The following FRMD6 variants were observed in gnomAD, a reference collection of about 807,000 sequenced individuals.
FRMD6 encodes FERM domain-containing protein 6.
FRMD6 carries 37 observed loss-of-function variants against 73.2 expected under a neutral mutation model. The ratio of observed to expected loss-of-function variants is 0.51; its 90% CI spans 0.39 to 0.66. FRMD6 has a LOEUF of 0.66. Among genes scored for constraint, FRMD6 ranks in the 30% least tolerant of loss-of-function variants. The pLI is 0.00. For synonymous variants in FRMD6, 273 were observed against 282.2 expected (o/e 0.97, Z 0.33); for missense variants, 714 against 780.5 (o/e 0.91, Z 1.02).
chr14:51,485,247 C>T (rs1394768800), upstream of FRMD6, among the ~76,000 whole-genome samples: 5 of 152,204 alleles, frequency 3.3e-5, no homozygotes, highest in African/African-American at 1.2e-4. Context: ...CTCACCTACA[C>T]AAGTCTCATG....
At chr14:51,656,741 C>T (rs555000528) in intron 1 of FRMD6, among the ~76,000 whole-genome samples, 21 of 152,242 alleles carry the variant, frequency 1.4e-4, no homozygotes, top group African/African-American at 4.8e-4. Context: ...TGTCTTTCCC[C>T]AGCTGTATGG....
At chr14:51,643,051 C>A (rs1464119113) in intron 2 of FRMD6, among the ~76,000 whole-genome samples, 1 of 152,130 alleles carries the variant, frequency 6.6e-6, no homozygotes, top group Non-Finnish European at 1.5e-5. Flanking sequence ...AGAAGCAAGG[C>A]AGTTTAGGGA....
the FRMD6 span, among the ~76,000 whole-genome samples, chr14:51,400,795 T>C: frequency 6.6e-6 from 1 of 152,218 alleles, no homozygotes; most frequent in African/African-American, 2.4e-5. Context: ...GACAAAAGTT[T>C]ATTATGTAAA....
the FRMD6 span, among the ~76,000 whole-genome samples, chr14:51,480,758 CA>C: frequency 6.6e-6 from 1 of 152,094 alleles, no homozygotes; most frequent in Non-Finnish European, 1.5e-5. Flanking sequence ...ATCTACCTCA[CA>C]ATGATATTGT....
At chr14:51,714,711 CA>C (rs1347724304) in intron 9 of FRMD6, 1 of 152,158 alleles carries the variant, frequency 6.6e-6, no homozygotes, top group Admixed American at 6.5e-5. Context: ...TTCTAAACCC[CA>C]AATAGATATC....
At chr14:51,509,458 C>T (rs1302826046) in intron 1 of FRMD6, among the ~76,000 whole-genome samples, 2 of 151,624 alleles carry the variant, frequency 1.3e-5, no homozygotes, top group Middle Eastern at 3.2e-3. Flanking sequence ...ACCCAGGAGG[C>T]GGAGCTTGCA....
intron 1 of FRMD6, among the ~76,000 whole-genome samples, chr14:51,522,634 TATC>T (rs1885014488): frequency 6.6e-6 from 1 of 152,174 alleles, no homozygotes; most frequent in Non-Finnish European, 1.5e-5. Flanking sequence ...ATCATAAAAA[TATC>T]ATGGATTTGA....
intron 10 of FRMD6, among the ~76,000 whole-genome samples, chr14:51,719,116 T>G (rs1566594638): frequency 1.3e-5 from 2 of 152,240 alleles, no homozygotes; most frequent in South Asian, 4.1e-4. Flanking sequence ...AATCTAAACT[T>G]CTTCCTTGTT....
rs1022351414 is a variant in FRMD6, at chr14:51,730,105, A to G, written c.*2076A>G. 4.6e-5 allele frequency: 7 copies of G among 152,216 alleles called. No individual in the cohort carries two copies. The highest frequency in any genetic ancestry group is 1.2e-4 in the African/African-American group (5 of 41,458). 9.4% of individuals were successfully genotyped at this position (152,216 alleles called of 1,614,324 possible). Reference sequence around the variant, plus strand: ...TGCAGTGCATTTCCTTAGCCCTTAGAGTTTCTTGCAAACATTTAAAAAAAG... The same window carrying G: ...TGCAGTGCATTTCCTTAGCCCTTAGGGTTTCTTGCAAACATTTAAAAAAAG... On this transcript the variant is annotated 3_prime_UTR_variant, in exon 14 of 14. Coordinates refer to ENST00000344768, the MANE Select transcript of FRMD6 (RefSeq NM_001267046.2).
At position 51,702,529 on chromosome 14, in the gene FRMD6, G is replaced by T. The variant is rs746260788; in HGVS notation, c.312G>T (p.Gly104=). 64 of 1,611,692 alleles carry T rather than the reference G, an allele frequency of 4.0e-5. 1 individual carries two copies. The Middle Eastern group carries it at 5.5e-3, about 137-fold the overall frequency. ...GTTTCTAGGGTATCGACCAATTTGG[G>T]CCTCCTATGATCATCCACTTCCGTG... is the stretch of plus-strand genomic sequence containing the variant. ...YEVTWGIDQF[G]PPMIIHFRVQ... is the part of the protein sequence containing the mutation. The change falls in exon 5 of 14, where the codon GGG becomes GGT. Residue 104 remains glycine (G), a synonymous_variant. Transcript: ENST00000344768.
rs113550722 is a variant in FRMD6 at position 51,701,191 on chromosome 14, GA to G, written c.294+33del. The G allele has an allele frequency of 3.3e-3, 4,392 of 1,327,940 alleles. 114 individuals carry two copies. In the African/African-American group the frequency reaches 0.057, roughly 17 times the overall value. 82.3% of individuals were successfully genotyped at this position (1,327,940 alleles called of 1,614,324 possible). ...TTACATTTATAAGCAAAATTATTTTGATTTTTTTTAAAAAATGTTTATTTTA... is the reference window on the plus strand; with the variant it reads ...TTACATTTATAAGCAAAATTATTTTGTTTTTTTTAAAAAATGTTTATTTTA... On this transcript the variant is annotated intron_variant, in intron 4 of 13. Transcript: ENST00000344768.
chr14:51,602,304 G>A (rs1890071266), intron 2 of FRMD6, among the ~76,000 whole-genome samples: 1 of 152,130 alleles, frequency 6.6e-6, no homozygotes, highest in Non-Finnish European at 1.5e-5. Context: ...GGAGAAGGGA[G>A]GGTTGGAAAG....
At chr14:51,406,690 C>G in the FRMD6 span, among the ~76,000 whole-genome samples, 1 of 151,958 alleles carries the variant, frequency 6.6e-6, no homozygotes, top group African/African-American at 2.4e-5. Context: ...TTAGATCCTC[C>G]ACCCCAGCCT....
At chr14:51,455,699 G>T in the FRMD6 span, among the ~76,000 whole-genome samples, 1 of 152,078 alleles carries the variant, frequency 6.6e-6, no homozygotes, top group South Asian at 2.1e-4. Context: ...TCAAACTCAG[G>T]GTTAATAGTC....
At chr14:51,472,525 G>A in the FRMD6 span, among the ~76,000 whole-genome samples, 1 of 152,060 alleles carries the variant, frequency 6.6e-6, no homozygotes, top group Non-Finnish European at 1.5e-5. Context: ...GGATGGCCTC[G>A]ATCTCCTGAC....
chr14:51,563,672 A>G (rs1032328495), intron 1 of FRMD6, among the ~76,000 whole-genome samples: 1 of 152,216 alleles, frequency 6.6e-6, no homozygotes, highest in Non-Finnish European at 1.5e-5. Context: ...TCAGTCTCAA[A>G]AAAAAAGAAT....
chr14:51,675,856 T>C (rs781049476), intron 1 of FRMD6, among the ~76,000 whole-genome samples: 3 of 152,098 alleles, frequency 2.0e-5, no homozygotes, highest in Non-Finnish European at 4.4e-5. Context: ...CAACATAATC[T>C]TATCCCCATA....
intron 1 of FRMD6, among the ~76,000 whole-genome samples, chr14:51,556,539 G>A (rs1356189336): frequency 6.6e-6 from 1 of 152,154 alleles, no homozygotes; most frequent in Non-Finnish European, 1.5e-5. Flanking sequence ...GTCTTCCTCA[G>A]CAACTCTTCC....
chr14:51,667,524 T>A (rs981225134), intron 1 of FRMD6, among the ~76,000 whole-genome samples: 1 of 152,218 alleles, frequency 6.6e-6, no homozygotes, highest in African/African-American at 2.4e-5. Context: ...AATTCTATAC[T>A]TAACCCATCT....
Sources: gnomAD v4.1 joint callset for allele counts (sites outside exome capture counted in the v4.1 genomes callset) on GRCh38, gnomAD v4.1.1 for gene constraint, MANE v1.5 for transcripts, NCBI Gene and HGNC (gene_info 2026-07-23, HGNC 2026-07-21) for gene names.